CRYL1: variants seen among roughly 807,000 people sequenced by gnomAD.
CRYL1 encodes lambda-crystallin homolog.
In CRYL1, 29 loss-of-function variants were observed where a neutral mutation model predicts 36.6. The ratio of observed to expected loss-of-function variants is 0.79; its 90% CI spans 0.59 to 1.08. The LOEUF (loss-of-function observed/expected upper bound fraction) is 1.08, where lower values mean the gene tolerates loss of function less well. Ranked by LOEUF, CRYL1 falls within the 50% of genes least tolerant of loss-of-function variation. The pLI, the probability that CRYL1 is intolerant of heterozygous loss-of-function variation, is 0.00. For synonymous variants in CRYL1, 152 were observed against 151.5 expected, an observed-to-expected ratio of 1.00 and a Z score of -0.02; for missense variants, 411 against 407.9, an observed-to-expected ratio of 1.01 and a Z score of -0.06.
chr13:20,468,331 T>C (rs1407414463), intron 3 of CRYL1, among the ~76,000 whole-genome samples: 1 of 152,208 alleles, frequency 6.6e-6, no homozygotes, highest in Non-Finnish European at 1.5e-5. Flanking sequence ...CTCCCTGTGT[T>C]GCCCAGACAG....
intron 3 of CRYL1, among the ~76,000 whole-genome samples, chr13:20,485,420 T>G (rs1265176778): frequency 1.3e-5 from 2 of 151,334 alleles, no homozygotes; most frequent in Non-Finnish European, 2.9e-5. Context: ...CCCAGGACTT[T>G]GGGAGGTGGA....
chr13:20,508,209 A>G (rs2137502872), intron 2 of CRYL1, among the ~76,000 whole-genome samples: 1 of 152,336 alleles, frequency 6.6e-6, no homozygotes, highest in South Asian at 2.1e-4. Context: ...AGCCTGGGTG[A>G]TGGAGACAGA....
intron 5 of CRYL1, among the ~76,000 whole-genome samples, chr13:20,420,969 A>G (rs928511721): frequency 2.0e-5 from 3 of 152,026 alleles, no homozygotes; most frequent in East Asian, 1.9e-4. Context: ...TCCTGACCTC[A>G]TGATCCGTCC....
At chr13:20,459,725 T>C (rs2032768341) in intron 3 of CRYL1, among the ~76,000 whole-genome samples, 1 of 152,160 alleles carries the variant, frequency 6.6e-6, no homozygotes, top group South Asian at 2.1e-4. Context: ...GGGTGAGGAC[T>C]GAAAACCTAT....
At chr13:20,460,637 T>A (rs1014488390) in intron 3 of CRYL1, among the ~76,000 whole-genome samples, 1 of 146,076 alleles carries the variant, frequency 6.8e-6, no homozygotes. Flanking sequence ...GCCATTCTCC[T>A]GCCTCAGCCT....
chr13:20,446,495 T>G (rs2137411677), intron 3 of CRYL1, among the ~76,000 whole-genome samples: 1 of 152,368 alleles, frequency 6.6e-6, no homozygotes, highest in East Asian at 1.9e-4. Context: ...GTACTCTGAC[T>G]GTCCTTGCAT....
chr13:20,408,845 A>G (rs2031448395), intron 6 of CRYL1, among the ~76,000 whole-genome samples: 1 of 152,142 alleles, frequency 6.6e-6, no homozygotes, highest in Non-Finnish European at 1.5e-5. Flanking sequence ...CAAGGAAATA[A>G]AAGAGGATAC....
At chr13:20,498,516 C>T (rs901186275) in intron 2 of CRYL1, among the ~76,000 whole-genome samples, 2 of 152,148 alleles carry the variant, frequency 1.3e-5, no homozygotes, top group African/African-American at 4.8e-5. Context: ...TTGATCTGCT[C>T]TTTAATATAA....
rs144464017 is a variant in CRYL1 at position 20,426,815 on chromosome 13, G to C, written c.633+5287C>G. 529 of 985,456 alleles carry C rather than the reference G, an allele frequency of 5.4e-4. 2 individuals carry two copies. In the African/African-American group the frequency reaches 8.1e-3, roughly 15 times the overall value. The allele number at this position is 985,456 out of a possible 1,614,324, so 61.0% of individuals were successfully genotyped here. A position where few individuals can be genotyped will look rare whatever the true frequency, so the allele number is the denominator to read the frequency against. ...TCAACGATGAAGTTCTGGAATCTCAGGGCCCCATCCAGATGCCCCAGACCA... is the reference window on the plus strand; with the variant it reads ...TCAACGATGAAGTTCTGGAATCTCACGGCCCCATCCAGATGCCCCAGACCA... On this transcript the variant is annotated intron_variant, in intron 5 of 7. Transcript: ENST00000298248.
At chr13:20,451,065 T>TG (rs1366661877) in intron 3 of CRYL1, among the ~76,000 whole-genome samples, 1 of 73,810 alleles carries the variant, frequency 1.4e-5, no homozygotes, top group African/African-American at 5.8e-5. Context: ...TGTCGAGGGG[T>TG]GGGGGGAGGG....
chr13:20,519,025 G>T (rs141446960), intron 1 of CRYL1, among the ~76,000 whole-genome samples: 3 of 152,186 alleles, frequency 2.0e-5, no homozygotes, highest in Non-Finnish European at 4.4e-5. Flanking sequence ...CTAGCAAATC[G>T]CTGGCTGTAA....
intron 3 of CRYL1, among the ~76,000 whole-genome samples, chr13:20,451,609 G>A (rs1009377542): frequency 5.3e-5 from 8 of 152,156 alleles, no homozygotes; most frequent in African/African-American, 1.9e-4. Flanking sequence ...CAGTCAAAGT[G>A]GCTATTACTA....
intron 1 of CRYL1, among the ~76,000 whole-genome samples, chr13:20,520,890 G>T (rs1216909757): frequency 6.6e-6 from 1 of 152,112 alleles, no homozygotes; most frequent in African/African-American, 2.4e-5. Flanking sequence ...TGGATAACGA[G>T]GTCAGGAGAT....
chr13:20,408,626 T>C lies in CRYL1; in HGVS notation c.740-3885A>G, dbSNP rs191922466. ...ATCCTAATCTTGTGATTTTTGTACATTGATTTTGTATCCTGAGACTTTGCT... is the reference window on the plus strand; with the variant it reads ...ATCCTAATCTTGTGATTTTTGTACACTGATTTTGTATCCTGAGACTTTGCT... On this transcript the variant is annotated intron_variant, in intron 6 of 7. Coordinates refer to ENST00000298248, the MANE Select transcript of CRYL1 (RefSeq NM_015974.3). Among the ~76,000 whole-genome samples, 100 of 152,328 alleles carry C rather than the reference T, an allele frequency of 6.6e-4. 3 individuals are homozygous for C. The East Asian group carries it at 0.017, about 26-fold the overall frequency.
intron 1 of CRYL1, among the ~76,000 whole-genome samples, chr13:20,522,657 G>A (rs991679593): frequency 3.9e-5 from 6 of 152,148 alleles, no homozygotes; most frequent in African/African-American, 1.2e-4. Flanking sequence ...GACAGTCCCT[G>A]AGCTTGATCC....
chr13:20,413,215 G>T, intron 6 of CRYL1, 67 bp downstream of exon 6: 2 of 1,108,678 alleles, frequency 1.8e-6, no homozygotes, highest in Non-Finnish European at 2.7e-6. Context: ...GGCAAAATGT[G>T]ACTGTTTACA....
At chr13:20,409,891 C>T (rs1349429032) in intron 6 of CRYL1, among the ~76,000 whole-genome samples, 2 of 152,084 alleles carry the variant, frequency 1.3e-5, no homozygotes, top group Non-Finnish European at 2.9e-5. Context: ...CAATAGGTGC[C>T]GGAGAGGATG....
chr13:20,432,638 C>T (rs2032096410), intron 4 of CRYL1, among the ~76,000 whole-genome samples: 1 of 152,136 alleles, frequency 6.6e-6, no homozygotes, highest in African/African-American at 2.4e-5. Context: ...GTCTTCAAAG[C>T]TTCCTCCCAG....
chr13:20,432,047 G>A (rs1240705518), intron 5 of CRYL1, 55 bp downstream of exon 5: 3 of 1,613,026 alleles, frequency 1.9e-6, no homozygotes, highest in South Asian at 2.2e-5. Flanking sequence ...TTGAGAGGGA[G>A]GGAAGAAGGA....
Sources: allele counts gnomAD v4.1 joint callset (sites outside exome capture counted in the v4.1 genomes callset), GRCh38; gene constraint gnomAD v4.1.1; transcripts MANE v1.5; gene names NCBI Gene and HGNC (gene_info 2026-07-23, HGNC 2026-07-21).